MARCHF3: variants seen among roughly 807,000 people sequenced by gnomAD.
MARCHF3 encodes E3 ubiquitin-protein ligase MARCHF3.
A neutral mutation model predicts 24.2 loss-of-function variants in MARCHF3; 13 were observed. The ratio of observed to expected loss-of-function variants is 0.54; its 90% CI spans 0.35 to 0.85. The LOEUF is 0.85. Ranked by LOEUF, MARCHF3 falls within the 40% of genes least tolerant of loss-of-function variation. MARCHF3 has a pLI of 0.01. For synonymous variants in MARCHF3, 144 were observed against 137.3 expected, an observed-to-expected ratio of 1.05 and a Z score of -0.34; for missense variants, 276 against 325.0, an observed-to-expected ratio of 0.85 and a Z score of 1.16.
chr5:126,989,145 C>A (rs537879454), intron 1 of MARCHF3, among the ~76,000 whole-genome samples: 1 of 151,942 alleles, frequency 6.6e-6, no homozygotes, highest in Non-Finnish European at 1.5e-5. Context: ...AGAGTATCCT[C>A]GTGCACACCT....
chr5:126,944,801 T>C (rs112350019), intron 1 of MARCHF3, among the ~76,000 whole-genome samples: 2,703 of 152,316 alleles, frequency 0.018, 44 homozygotes, highest in Non-Finnish European at 0.027. Flanking sequence ...ACACCTGTCC[T>C]TGTAATCTTT....
intron 1 of MARCHF3, among the ~76,000 whole-genome samples, chr5:126,989,589 A>G (rs1751682378): frequency 6.6e-6 from 1 of 152,188 alleles, no homozygotes; most frequent in African/African-American, 2.4e-5. Flanking sequence ...CTCCACAGGC[A>G]GGGGCACAGA....
chr5:126,871,196 G>T (rs1752952708), intron 4 of MARCHF3, among the ~76,000 whole-genome samples: 1 of 152,128 alleles, frequency 6.6e-6, no homozygotes, highest in Admixed American at 6.5e-5. Context: ...TAGATGAGTG[G>T]GATGCTAGGG....
chr5:126,955,032 T>C (rs1750393351), intron 1 of MARCHF3, among the ~76,000 whole-genome samples: 1 of 152,242 alleles, frequency 6.6e-6, no homozygotes, highest in African/African-American at 2.4e-5. Flanking sequence ...ATAACATCCA[T>C]ACTCTAAAGT....
chr5:126,941,759 G>T (rs940738607), intron 1 of MARCHF3, among the ~76,000 whole-genome samples: 1 of 152,202 alleles, frequency 6.6e-6, no homozygotes, highest in Admixed American at 6.5e-5. Flanking sequence ...GCTGCCAGCA[G>T]GTACCCTGAC....
intron 1 of MARCHF3, among the ~76,000 whole-genome samples, chr5:126,970,631 G>A (rs1334457377): frequency 2.0e-5 from 3 of 152,170 alleles, no homozygotes; most frequent in Non-Finnish European, 4.4e-5. Flanking sequence ...GACTTTGACA[G>A]ATTAAGCCAA....
intron 3 of MARCHF3, among the ~76,000 whole-genome samples, chr5:126,888,844 A>G (rs1753581455): frequency 6.6e-6 from 1 of 152,168 alleles, no homozygotes. Flanking sequence ...GGCTCACTGC[A>G]ACCTCCACCT....
chr5:126,918,311 G>A, intron 1 of MARCHF3, 84 bp from the exon 2 acceptor site: 1 of 827,684 alleles, frequency 1.2e-6, no homozygotes, highest in Non-Finnish European at 1.8e-6. Context: ...TCATCATCAT[G>A]TCATTATTTA....
chr5:126,898,148 G>A (rs754463283), intron 3 of MARCHF3, among the ~76,000 whole-genome samples: 1 of 152,032 alleles, frequency 6.6e-6, no homozygotes, highest in Non-Finnish European at 1.5e-5. Context: ...CTATACAACC[G>A]TGAAAATACA....
chr5:127,009,430 T>G (rs1052806953), intron 1 of MARCHF3, among the ~76,000 whole-genome samples: 1 of 152,234 alleles, frequency 6.6e-6, no homozygotes, highest in African/African-American at 2.4e-5. Flanking sequence ...CTTAAAATAA[T>G]AAAGGATTAT....
chr5:126,949,467 C>T (rs1333274440), intron 1 of MARCHF3, among the ~76,000 whole-genome samples: 1 of 152,202 alleles, frequency 6.6e-6, no homozygotes, highest in Non-Finnish European at 1.5e-5. Context: ...GCTATTAATA[C>T]ATCCTGAAAA....
intron 1 of MARCHF3, among the ~76,000 whole-genome samples, chr5:126,919,069 A>G (rs1407732987): frequency 6.6e-6 from 1 of 152,178 alleles, no homozygotes; most frequent in Admixed American, 6.5e-5. Flanking sequence ...TCACCAATTA[A>G]ACATAATCCA....
At chr5:127,018,587 C>T (rs1473646835) in intron 1 of MARCHF3, among the ~76,000 whole-genome samples, 1 of 151,968 alleles carries the variant, frequency 6.6e-6, no homozygotes, top group Non-Finnish European at 1.5e-5. Context: ...ATGTGTGATC[C>T]AAGTGGAGGG....
At chr5:126,893,629 G>A (rs1325700213) in intron 3 of MARCHF3, among the ~76,000 whole-genome samples, 1 of 149,760 alleles carries the variant, frequency 6.7e-6, no homozygotes, top group Non-Finnish European at 1.5e-5. Context: ...CTGAGTTCTA[G>A]TTTGATTGCA....
intron 1 of MARCHF3, among the ~76,000 whole-genome samples, chr5:126,993,948 A>C (rs551231402): frequency 5.9e-5 from 9 of 152,350 alleles, no homozygotes; most frequent in African/African-American, 2.2e-4. Flanking sequence ...ACTTTGGAAA[A>C]TGGTTCAGCA....
At chr5:126,897,045 A>ATTTTT (rs759577287) in intron 3 of MARCHF3, among the ~76,000 whole-genome samples, 2 of 116,448 alleles carry the variant, frequency 1.7e-5, no homozygotes, top group African/African-American at 3.6e-5. Flanking sequence ...AAGTTTGAGA[A>ATTTTT]TTTTTTTTTT....
At chr5:126,876,012 C>A (rs1430585218) in intron 4 of MARCHF3, among the ~76,000 whole-genome samples, 3 of 152,120 alleles carry the variant, frequency 2.0e-5, no homozygotes, top group Non-Finnish European at 4.4e-5. Context: ...CATAGCACTG[C>A]CCGTGAGAAA....
intron 1 of MARCHF3, among the ~76,000 whole-genome samples, chr5:126,982,253 C>T (rs1410034444): frequency 6.6e-6 from 1 of 152,226 alleles, no homozygotes; most frequent in African/African-American, 2.4e-5. Flanking sequence ...ACACCCCTGG[C>T]CTTGTCACAC....
chr5:127,007,658 T>G (rs528996614), intron 1 of MARCHF3, among the ~76,000 whole-genome samples: 2 of 152,294 alleles, frequency 1.3e-5, no homozygotes, highest in African/African-American at 4.8e-5. Flanking sequence ...ATTCCTAATT[T>G]GGCTAACAAA....
Sources: gnomAD v4.1 joint callset for allele counts (sites outside exome capture counted in the v4.1 genomes callset) on GRCh38, gnomAD v4.1.1 for gene constraint, MANE v1.5 for transcripts, NCBI Gene and HGNC (gene_info 2026-07-23, HGNC 2026-07-21) for gene names.